The following PXDNL variants were observed in gnomAD, a reference collection of about 807,000 sequenced individuals.
The protein encoded by PXDNL is peroxidasin like.
Under a neutral mutation model 150.8 loss-of-function variants are expected in PXDNL, and 145 were observed. The observed-to-expected ratio is 0.96, with a 90% CI of 0.84 to 1.10. The LOEUF (loss-of-function observed/expected upper bound fraction) is 1.10, where lower values mean the gene tolerates loss of function less well. PXDNL is among the 50% of genes least tolerant of loss of function. The pLI is 0.00. For synonymous variants in PXDNL, 757 were observed against 725.7 expected, an observed-to-expected ratio of 1.04 and a Z score of -0.69; for missense variants, 2,087 against 1,873.9, an observed-to-expected ratio of 1.11 and a Z score of -2.10.
At chr8:51,338,398 T>A (rs1166116856) in intron 21 of PXDNL, among the ~76,000 whole-genome samples, 1 of 152,212 alleles carries the variant, frequency 6.6e-6, no homozygotes, top group Non-Finnish European at 1.5e-5. Context: ...AATCATATTT[T>A]AAGGGGCTTG....
intron 12 of PXDNL, among the ~76,000 whole-genome samples, chr8:51,430,348 A>G (rs1465171908): frequency 6.6e-6 from 1 of 152,164 alleles, no homozygotes; most frequent in Admixed American, 6.5e-5. Context: ...AAAAGATCCA[A>G]TCCTTCAGGA....
intron 1 of PXDNL, among the ~76,000 whole-genome samples, chr8:51,730,057 C>T (rs776561889): frequency 4.7e-4 from 72 of 152,106 alleles, no homozygotes; most frequent in Non-Finnish European, 9.4e-4. Context: ...TGAATATATG[C>T]CATTACACGT....
intron 4 of PXDNL, among the ~76,000 whole-genome samples, chr8:51,524,696 T>C (rs1362800371): frequency 1.3e-5 from 2 of 152,208 alleles, no homozygotes; most frequent in Admixed American, 6.5e-5. Context: ...TTTCAAAAGG[T>C]ATCTTTTGAA....
intron 3 of PXDNL, among the ~76,000 whole-genome samples, chr8:51,587,727 C>T (rs1813356703): frequency 6.6e-6 from 1 of 151,046 alleles, no homozygotes; most frequent in African/African-American, 2.5e-5. Flanking sequence ...TGTTATCATT[C>T]CTCTCTTAAG....
At chr8:51,651,925 C>T (rs745695884) in intron 2 of PXDNL, among the ~76,000 whole-genome samples, 5 of 152,218 alleles carry the variant, frequency 3.3e-5, no homozygotes, top group Non-Finnish European at 5.9e-5. Flanking sequence ...ATCTTACCCT[C>T]TAGCTCTTAG....
At chr8:51,572,847 C>A (rs1812976211) in intron 3 of PXDNL, among the ~76,000 whole-genome samples, 1 of 151,782 alleles carries the variant, frequency 6.6e-6, no homozygotes, top group Non-Finnish European at 1.5e-5. Context: ...GTGCCTTTAT[C>A]ATATTTATCC....
chr8:51,581,434 C>T (rs190729289), intron 3 of PXDNL, among the ~76,000 whole-genome samples: 61 of 152,018 alleles, frequency 4.0e-4, no homozygotes, highest in Middle Eastern at 3.4e-3. Flanking sequence ...GGTTGCAGTG[C>T]AGTGAGCTGA....
chr8:51,591,984 C>G (rs1813453994), intron 3 of PXDNL, among the ~76,000 whole-genome samples: 1 of 152,128 alleles, frequency 6.6e-6, no homozygotes, highest in African/African-American at 2.4e-5. Flanking sequence ...GATAAAAGCC[C>G]TTGTAGTTTG....
chr8:51,680,642 G>A (rs1182896356), intron 1 of PXDNL, among the ~76,000 whole-genome samples: 2 of 152,172 alleles, frequency 1.3e-5, no homozygotes, highest in Admixed American at 1.3e-4. Flanking sequence ...GTGCCTTCCT[G>A]TCATCTCACG....
In PXDNL at chr8:51,725,796, T is replaced by A. The variant is rs370301067; in HGVS notation, c.165-71036A>T. 2.0e-4 allele frequency among the ~76,000 whole-genome samples: 31 copies of A among 152,340 alleles called. No individual in the cohort carries two copies. In the South Asian group the frequency reaches 6.2e-3, roughly 31 times the overall value. On this transcript the variant is annotated intron_variant, in intron 1 of 22. Coordinates refer to ENST00000356297, the MANE Select transcript of PXDNL (RefSeq NM_144651.5). ...GTGTTTTGCGTTCTGCAAGGACAGA[T>A]AGTAAATGGTCAACAGGCAAGTATT...
intron 2 of PXDNL, among the ~76,000 whole-genome samples, chr8:51,613,237 G>A (rs777595215): frequency 6.6e-6 from 1 of 152,030 alleles, no homozygotes. Flanking sequence ...TATATGGCCA[G>A]AGGGATGTGA....
At chr8:51,531,843 A>C (rs1811913655) in intron 4 of PXDNL, among the ~76,000 whole-genome samples, 4 of 152,226 alleles carry the variant, frequency 2.6e-5, no homozygotes, top group Non-Finnish European at 5.9e-5. Flanking sequence ...ACACAAGTTC[A>C]AGTATAGAAA....
chr8:51,569,296 G>A (rs888101165), intron 3 of PXDNL, among the ~76,000 whole-genome samples: 4 of 151,974 alleles, frequency 2.6e-5, no homozygotes, highest in East Asian at 3.9e-4. Flanking sequence ...TGTAATATGC[G>A]AATTTCTAAT....
intron 3 of PXDNL, among the ~76,000 whole-genome samples, chr8:51,561,418 C>A (rs1290866343): frequency 1.3e-5 from 2 of 151,746 alleles, no homozygotes; most frequent in African/African-American, 4.8e-5. Flanking sequence ...TATTATTCAG[C>A]CTTAGCATTT....
At chr8:51,430,076 TC>T (rs370979808) in intron 12 of PXDNL, among the ~76,000 whole-genome samples, 5 of 144,550 alleles carry the variant, frequency 3.5e-5, no homozygotes, top group African/African-American at 7.9e-5. Flanking sequence ...GCCTCCTTTG[TC>T]TGATGTCCTT....
intron 17 of PXDNL, among the ~76,000 whole-genome samples, chr8:51,385,826 C>G (rs1210541649): frequency 1.3e-5 from 2 of 152,154 alleles, no homozygotes; most frequent in Non-Finnish European, 2.9e-5. Flanking sequence ...TTTCTCCTTT[C>G]ACTTGGCTCT....
rs1274825562 is a variant in PXDNL, at chr8:51,474,989, A to T, written c.677T>A (p.Val226Glu). 1.9e-6 allele frequency: 3 copies of T among 1,600,876 alleles called. No individual in the cohort carries two copies. The highest frequency in any genetic ancestry group is 2.6e-6 in the Non-Finnish European group (3 of 1,173,196). Residue 226 changes from valine (V) to glutamate (E), a missense_variant, in exon 7 of 23, where the codon GTA (valine) becomes GAA (glutamate). Physicochemically the swap from Val to Glu is moderately radical, Grantham distance 121. Transcript: ENST00000356297. ...LHGRAVASVTVEEFNCQSPRI... is the reference protein window; with the variant it reads ...LHGRAVASVTEEEFNCQSPRI... ...TTACGTACGGCAATTGAATTCCTCT[A>T]CTGTTACTGAAGCAACTGCACGCCC...
At chr8:51,412,156 T>G (rs73579687) in intron 15 of PXDNL, among the ~76,000 whole-genome samples, 4,867 of 152,192 alleles carry the variant, frequency 0.032, 241 homozygotes, top group African/African-American at 0.11. Context: ...AAGCAAACTG[T>G]TTTAGAGACT....
At chr8:51,560,444 G>C (rs1395944803) in intron 3 of PXDNL, among the ~76,000 whole-genome samples, 2 of 151,960 alleles carry the variant, frequency 1.3e-5, no homozygotes, top group African/African-American at 4.8e-5. Flanking sequence ...AATCAAAACA[G>C]CATGGTACTG....
Sources: gnomAD v4.1 joint callset for allele counts (sites outside exome capture counted in the v4.1 genomes callset) on GRCh38, gnomAD v4.1.1 for gene constraint, MANE v1.5 for transcripts, NCBI Gene and HGNC (gene_info 2026-07-23, HGNC 2026-07-21) for gene names.